TTC38: variants seen among roughly 807,000 people sequenced by gnomAD.
TTC38 encodes the protein tetratricopeptide repeat domain 38.
Under a neutral mutation model 64.2 loss-of-function variants are expected in TTC38, and 64 were observed. That is an observed-to-expected ratio of 1.00 (90% CI 0.81 to 1.23). The LOEUF is 1.23. TTC38 is among the 50% of genes most tolerant of loss of function. The pLI is 0.00. For synonymous variants in TTC38, 254 were observed against 249.3 expected (o/e 1.02, Z -0.18); for missense variants, 573 against 615.5 (o/e 0.93, Z 0.73).
At chr22:46,269,237 C>G (rs1266583357) in intron 2 of TTC38, 1 of 329,084 alleles carries the variant, frequency 3.0e-6, no homozygotes, top group South Asian at 2.3e-5. Context: ...TGCTGAGGGT[C>G]TGATGCAGGG....
Position 46,276,811 on chromosome 22 carries a change from A to ATATATATATTAAATAT in TTC38, c.539+1390_539+1391insTATATATATTAAATAT, listed in dbSNP as rs1413363980. 5.1e-5 allele frequency among the ~76,000 whole-genome samples: 7 copies of ATATATATATTAAATAT among 138,178 alleles called. No homozygotes were observed. Among genetic ancestry groups the ATATATATATTAAATAT allele is most frequent in the African/African-American group, 2.1e-4 (7 of 33,874 alleles). The allele number at this position is 138,178 out of a possible 152,430, so 90.7% of individuals were successfully genotyped here. On this transcript the variant is annotated intron_variant, in intron 5 of 13. Coordinates refer to ENST00000381031, the MANE Select transcript of TTC38 (RefSeq NM_017931.4). This position sits in a 1 kb window ranked among gnomAD's most constrained non-coding sequence, Gnocchi z 4.7. ...ATATATATTAAAAATTATATATTAA[A>ATATATATATTAAATAT]ATATATATATTAAATATATATATAT...
Position 46,268,578 on chromosome 22 carries a change from C to A in TTC38, c.98C>A (p.Ala33Asp), listed in dbSNP as rs752914095. 1.9e-6 allele frequency: 3 copies of A among 1,613,918 alleles called. 1 individual carries two copies. The highest frequency in any genetic ancestry group is 1.1e-5 in the South Asian group (1 of 91,088). ...AACGAAGCCTGCAAGCTGTTCGATG[C>A]CACGCTGACCCAGGTATGCCTGCCG... ...TSNEACKLFD[A>D]TLTQYVKWTN... The change falls in exon 2 of 14, where the codon GCC becomes GAC. Residue 33 changes from alanine (A) to aspartate (D), a missense_variant. Ala to Asp is a moderately radical substitution (Grantham distance 126). This residue lies in a region of TTC38 where 134 missense variants were observed against 126.5 expected (regional missense o/e 1.06). Coordinates refer to ENST00000381031, the MANE Select transcript of TTC38 (RefSeq NM_017931.4).
intron 9 of TTC38, among the ~76,000 whole-genome samples, chr22:46,286,751 G>A (rs773619323): frequency 7.9e-5 from 12 of 152,250 alleles, no homozygotes; most frequent in East Asian, 1.9e-4. Flanking sequence ...GTCTAGAAAC[G>A]TGATCGGGCA....
Position 46,269,219 on chromosome 22 carries a change from T to C in TTC38, c.111+628T>C, listed in dbSNP as rs555020105. 297 of 339,254 alleles carry C rather than the reference T, an allele frequency of 8.8e-4. 3 individuals carry two copies. The highest frequency in any genetic ancestry group is 5.3e-3 in the South Asian group (236 of 44,946). 21.0% of individuals were successfully genotyped at this position (339,254 alleles called of 1,614,324 possible). On this transcript the variant is annotated intron_variant, in intron 2 of 13. Transcript: ENST00000381031. Reference sequence around the variant, plus strand: ...GATGCTGGCCTCCCCGGGCCTCCCATTGTGGCCTGCTGAGGGTCTGATGCA... The same window carrying C: ...GATGCTGGCCTCCCCGGGCCTCCCACTGTGGCCTGCTGAGGGTCTGATGCA...
rs1463267485 is a variant in TTC38 at position 46,285,126 on chromosome 22, G to C, written c.796-115G>C. On this transcript the variant is annotated intron_variant, in intron 8 of 13. Coordinates refer to ENST00000381031, the MANE Select transcript of TTC38 (RefSeq NM_017931.4). Reference sequence around the variant, plus strand: ...ACCGTCCGTCCACCTCTGAGAGGAGGTGGAGGCCGGAGACCATGTGCTCAG... The same window carrying C: ...ACCGTCCGTCCACCTCTGAGAGGAGCTGGAGGCCGGAGACCATGTGCTCAG... 1.2e-5 allele frequency: 11 copies of C among 882,454 alleles called. No homozygotes were observed. In the African/African-American group the frequency reaches 1.3e-4, roughly 11 times the overall value. The allele number at this position is 882,454 out of a possible 1,614,324, so 54.7% of individuals were successfully genotyped here. A position where few individuals can be genotyped will look rare whatever the true frequency, so the allele number is the denominator to read the frequency against.
rs2077545487 is a variant in TTC38 at position 46,282,971 on chromosome 22, C to T, written c.736-1002C>T. On this transcript the variant is annotated intron_variant, in intron 7 of 13. Coordinates refer to ENST00000381031, the MANE Select transcript of TTC38 (RefSeq NM_017931.4). The surrounding 1 kb of genome is among the most constrained non-coding windows in gnomAD (Gnocchi z 4.4). ...TGAGACAAGTTCTCTCTCTGTCGCCCAAGGTGGAGTGCAGTGGCACAATCA... is the reference window on the plus strand; with the variant it reads ...TGAGACAAGTTCTCTCTCTGTCGCCTAAGGTGGAGTGCAGTGGCACAATCA... Among the ~76,000 whole-genome samples, 1 of 152,074 alleles carries T rather than the reference C, an allele frequency of 6.6e-6. No homozygotes were observed. Among genetic ancestry groups the T allele is most frequent in the Non-Finnish European group, 1.5e-5 (1 of 68,020 alleles).
intron 9 of TTC38, among the ~76,000 whole-genome samples, chr22:46,286,302 A>G (rs942539326): frequency 6.6e-6 from 1 of 152,164 alleles, no homozygotes; most frequent in Non-Finnish European, 1.5e-5. Flanking sequence ...TAAACATCAG[A>G]GAAAAACACA....
At position 46,282,316 on chromosome 22, in the gene TTC38, C is replaced by T. The variant is rs984103838; in HGVS notation, c.735+598C>T. 6.6e-6 allele frequency among the ~76,000 whole-genome samples: 1 copy of T among 152,198 alleles called. No individual in the cohort carries two copies. The highest frequency in any genetic ancestry group is 1.5e-5 in the Non-Finnish European group (1 of 68,030). ...ACATGGGCTGTGCAGGAGGCCTTGT[C>T]AGTCCCTCTTTCCAGGGGAGGCAAG... On this transcript the variant is annotated intron_variant, in intron 7 of 13. Transcript: ENST00000381031. The surrounding 1 kb of genome is among the most constrained non-coding windows in gnomAD (Gnocchi z 4.4).
At chr22:46,284,263 C>A (rs78002342) in intron 8 of TTC38, among the ~76,000 whole-genome samples, 1 of 152,238 alleles carries the variant, frequency 6.6e-6, no homozygotes, top group Non-Finnish European at 1.5e-5. Flanking sequence ...GAGCGAGTGC[C>A]TGTGGCTGGA....
chr22:46,269,167 G>A (rs1426736403), intron 2 of TTC38: 1 of 407,138 alleles, frequency 2.5e-6, no homozygotes, highest in Non-Finnish European at 5.0e-6. Flanking sequence ...GTGGACAGCG[G>A]TGGGTGCAGT....
chr22:46,272,512 A>C lies in TTC38; in HGVS notation c.193+96A>C. The stretch of plus-strand genomic sequence containing the variant: ...GGGACACAGTTGGGATGGGGAAGGC[A>C]GGTTGGGTGGCAGCAACCAGGGTGG... On this transcript the variant is annotated intron_variant, in intron 3 of 13. Coordinates refer to ENST00000381031, the MANE Select transcript of TTC38 (RefSeq NM_017931.4). The surrounding 1 kb of genome is among the most constrained non-coding windows in gnomAD (Gnocchi z 6.4). The C allele has an allele frequency of 9.3e-7, 1 of 1,074,628 alleles. No homozygotes were observed. The highest frequency in any genetic ancestry group is 1.4e-6 in the Non-Finnish European group (1 of 712,144). 66.6% of individuals were successfully genotyped at this position (1,074,628 alleles called of 1,614,324 possible).
At position 46,293,812 on chromosome 22, in the gene TTC38, C is replaced by T. The variant is rs1288605664; in HGVS notation, c.*928C>T. 2 of 152,264 alleles carry T rather than the reference C, an allele frequency of 1.3e-5. No individual in the cohort carries two copies. Among genetic ancestry groups the T allele is most frequent in the Non-Finnish European group, 1.5e-5 (1 of 68,044 alleles). 9.4% of individuals were successfully genotyped at this position (152,264 alleles called of 1,614,324 possible). A position where few individuals can be genotyped will look rare whatever the true frequency, so the allele number is the denominator to read the frequency against. On this transcript the variant is annotated 3_prime_UTR_variant, in exon 14 of 14. Transcript: ENST00000381031. The surrounding 1 kb of genome is among the most constrained non-coding windows in gnomAD (Gnocchi z 6.6). ...CTGACTCAGCTGTGCTGCTTTCAGCCCTCCTGTGAGGGGCGGTCCCAGTGC... is the reference window on the plus strand; with the variant it reads ...CTGACTCAGCTGTGCTGCTTTCAGCTCTCCTGTGAGGGGCGGTCCCAGTGC...
At position 46,293,035 on chromosome 22, in the gene TTC38, C is replaced by T. The variant is rs148046728; in HGVS notation, c.*151C>T. On this transcript the variant is annotated 3_prime_UTR_variant, in exon 14 of 14. Transcript: ENST00000381031. This position sits in a 1 kb window ranked among gnomAD's most constrained non-coding sequence, Gnocchi z 6.6. ...CTTCAGTTTTACAGGAAGTGGGTCA[C>T]GGGTTAATTTTAAATGTGATTCCGA... 1.1e-3 allele frequency: 645 copies of T among 602,576 alleles called. 5 individuals are homozygous for T. In the East Asian group the frequency reaches 0.016, roughly 15 times the overall value. 37.3% of individuals were successfully genotyped at this position (602,576 alleles called of 1,614,324 possible).
In TTC38 at chr22:46,274,555, C is replaced by T. The variant is rs989733300; in HGVS notation, c.365+486C>T. Among the ~76,000 whole-genome samples, 12 of 152,316 alleles carry T rather than the reference C, an allele frequency of 7.9e-5. No individual in the cohort carries two copies. The highest frequency in any genetic ancestry group is 2.9e-4 in the African/African-American group (12 of 41,586). Reference sequence around the variant, plus strand: ...TGTCTGCTCAGGCAGGCGAGATGCCCTGCAGAGTTAGGCGACCCTAGCCGA... The same window carrying T: ...TGTCTGCTCAGGCAGGCGAGATGCCTTGCAGAGTTAGGCGACCCTAGCCGA... On this transcript the variant is annotated intron_variant, in intron 4 of 13. Coordinates refer to ENST00000381031, the MANE Select transcript of TTC38 (RefSeq NM_017931.4). The surrounding 1 kb of genome is among the most constrained non-coding windows in gnomAD (Gnocchi z 4.8).
chr22:46,292,208 A>G lies in TTC38; in HGVS notation c.1317-583A>G, dbSNP rs571431297. On this transcript the variant is annotated intron_variant, in intron 13 of 13. Coordinates refer to ENST00000381031, the MANE Select transcript of TTC38 (RefSeq NM_017931.4). The surrounding 1 kb of genome is among the most constrained non-coding windows in gnomAD (Gnocchi z 6.5). The stretch of plus-strand genomic sequence containing the variant: ...AAATTTTTTTATATTTTTAGAGGCA[A>G]GGTCTCACTCGGTCATCCAGGTTGG... The G allele has an allele frequency of 2.5e-5, 11 of 444,738 alleles. No homozygotes were observed. Among genetic ancestry groups the G allele is most frequent in the African/African-American group, 1.8e-4 (9 of 49,392 alleles). The allele number at this position is 444,738 out of a possible 1,614,324, so 27.5% of individuals were successfully genotyped here. A position where few individuals can be genotyped will look rare whatever the true frequency, so the allele number is the denominator to read the frequency against.
chr22:46,280,219 C>A (rs1253390813), intron 6 of TTC38: 1 of 470,566 alleles, frequency 2.1e-6, no homozygotes, highest in Non-Finnish European at 4.4e-6. Flanking sequence ...CAGGAGCAGG[C>A]AGGCGGCAGG....
chr22:46,277,624 AAAAAAG>A (rs1366871334), intron 5 of TTC38, among the ~76,000 whole-genome samples: 42 of 151,794 alleles, frequency 2.8e-4, no homozygotes, highest in African/African-American at 8.7e-4. Context: ...AAAAAAAAAA[AAAAAAG>A]AGAGAGATTG....
intron 6 of TTC38, among the ~76,000 whole-genome samples, chr22:46,279,569 G>C (rs2147792504): frequency 6.6e-6 from 1 of 152,326 alleles, no homozygotes; most frequent in African/African-American, 2.4e-5. Context: ...ATCCTGGCTG[G>C]GGTTCTTCCC....
At position 46,292,312 on chromosome 22, in the gene TTC38, G is replaced by A. The variant is rs376342296; in HGVS notation, c.1317-479G>A. The A allele has an allele frequency of 2.5e-5, 10 of 394,518 alleles. No individual in the cohort carries two copies. The East Asian group carries it at 3.0e-4, about 12-fold the overall frequency. The allele number at this position is 394,518 out of a possible 1,614,324, so 24.4% of individuals were successfully genotyped here. A position where few individuals can be genotyped will look rare whatever the true frequency, so the allele number is the denominator to read the frequency against. On this transcript the variant is annotated intron_variant, in intron 13 of 13. Transcript: ENST00000381031. The surrounding 1 kb of genome is among the most constrained non-coding windows in gnomAD (Gnocchi z 6.5). ...AATCTTCCTGCCTCATCCTTCCATC[G>A]TGCAGGGATTACAGGGGTGAGCCAC... is the stretch of plus-strand genomic sequence containing the variant.
Sources: allele counts gnomAD v4.1 joint callset (sites outside exome capture counted in the v4.1 genomes callset), GRCh38; gene constraint gnomAD v4.1.1; regional missense constraint gnomAD v4.1.1; non-coding constraint Gnocchi (gnomAD v3.1); transcripts MANE v1.5; gene names NCBI Gene and HGNC (gene_info 2026-07-23, HGNC 2026-07-21).